Variants in RGS7 observed in about 807,000 individuals in gnomAD.
RGS7 encodes regulator of G protein signaling 7, also known as regulator of G-protein signaling 7.
Under a neutral mutation model 81.1 loss-of-function variants are expected in RGS7, and 27 were observed. The ratio of observed to expected loss-of-function variants is 0.33; its 90% confidence interval spans 0.25 to 0.46. The LOEUF is 0.46. Among genes scored for constraint, RGS7 ranks in the 20% least tolerant of loss-of-function variants. The pLI, the probability that RGS7 is intolerant of heterozygous loss-of-function variation, is 1.00. For missense variants in RGS7, 396 were observed against 607.4 expected (o/e 0.65, Z 3.66); for synonymous variants, 208 against 207.7 (o/e 1.00, Z -0.01).
chr1:240,916,788 T>C (rs1672691047), intron 6 of RGS7, among the ~76,000 whole-genome samples: 1 of 152,200 alleles, frequency 6.6e-6, no homozygotes, highest in South Asian at 2.1e-4. Flanking sequence ...AGAGCACTTC[T>C]ACCCTCATAT....
At chr1:241,238,228 T>C (rs927066747) in intron 2 of RGS7, among the ~76,000 whole-genome samples, 2 of 152,132 alleles carry the variant, frequency 1.3e-5, no homozygotes, top group African/African-American at 4.8e-5. Context: ...ACTGGGCATG[T>C]GTGTGTGTAC....
At chr1:241,318,308 T>C (rs2148592397) in intron 2 of RGS7, among the ~76,000 whole-genome samples, 1 of 152,324 alleles carries the variant, frequency 6.6e-6, no homozygotes, top group South Asian at 2.1e-4. Flanking sequence ...AAATGAGACT[T>C]GGTTGGAATC....
chr1:241,018,657 G>C (rs1383744678), intron 3 of RGS7, among the ~76,000 whole-genome samples: 2 of 151,972 alleles, frequency 1.3e-5, no homozygotes, highest in Non-Finnish European at 2.9e-5. Flanking sequence ...GAGCGGAGGT[G>C]GGGGGCATTC....
At chr1:241,225,080 T>C (rs1048858298) in intron 2 of RGS7, among the ~76,000 whole-genome samples, 2 of 152,184 alleles carry the variant, frequency 1.3e-5, no homozygotes, top group East Asian at 3.8e-4. Context: ...AAGCCTGGGC[T>C]GTCAGTATAC....
In RGS7 at chr1:240,799,706, C is replaced by A. The variant is rs73117815; in HGVS notation, c.*6+935G>T. Among the ~76,000 whole-genome samples, 1,507 of 152,276 alleles carry A rather than the reference C, an allele frequency of 9.9e-3. 22 individuals carry two copies. Among genetic ancestry groups the A allele is most frequent in the African/African-American group, 0.034 (1,414 of 41,562 alleles). On this transcript the variant is annotated intron_variant, in intron 18 of 18. Coordinates refer to ENST00000440928, the MANE Select transcript of RGS7 (RefSeq NM_001364886.1). The stretch of plus-strand genomic sequence containing the variant: ...ATAATTTTTATAACATCTACCACCA[C>A]AGATAAGCAAAAATGTCCTTGCATT...
intron 2 of RGS7, among the ~76,000 whole-genome samples, chr1:241,169,336 C>CTTTTTTTTTTTTTTTTTTTTTTTTTTTT (rs57753661): frequency 2.7e-5 from 2 of 74,274 alleles, no homozygotes; most frequent in Non-Finnish European, 4.8e-5. Context: ...ATGTGTGTTT[C>CTTTTTTTTTTTTTTTTTTTTTTTTTTTT]TTTTTTTTTT....
At chr1:240,853,900 CAAAAAAAAAAAA>C (rs35471716) in intron 9 of RGS7, among the ~76,000 whole-genome samples, 5 of 22,258 alleles carry the variant, frequency 2.2e-4, no homozygotes, top group South Asian at 4.1e-3. Flanking sequence ...GACTCCGTCT[CAAAAAAAAAAAA>C]AAAAAAAAAA....
At chr1:241,084,235 T>C (rs76481211) in intron 3 of RGS7, among the ~76,000 whole-genome samples, 1 of 152,254 alleles carries the variant, frequency 6.6e-6, no homozygotes, top group Non-Finnish European at 1.5e-5. Context: ...CTGAGAGGGA[T>C]AAGGGGTAAC....
intron 17 of RGS7, 92 bp from the exon 18 acceptor site, chr1:240,800,813 T>C: frequency 3.1e-6 from 2 of 636,886 alleles, no homozygotes; most frequent in Non-Finnish European, 5.3e-6. Flanking sequence ...AAAAAGAATC[T>C]TACAAACAAA....
chr1:240,796,466 A>G (rs994980527), intron 18 of RGS7, among the ~76,000 whole-genome samples: 3 of 152,138 alleles, frequency 2.0e-5, no homozygotes, highest in African/African-American at 7.2e-5. Context: ...TGGGCAGATC[A>G]CTTGAGGTCA....
chr1:241,099,198 G>A (rs560088924), intron 2 of RGS7, among the ~76,000 whole-genome samples: 18 of 152,212 alleles, frequency 1.2e-4, no homozygotes, highest in African/African-American at 3.9e-4. Flanking sequence ...GAGAATTTCC[G>A]TGATTTTGTT....
intron 2 of RGS7, among the ~76,000 whole-genome samples, chr1:241,259,016 A>T (rs1471079497): frequency 1.3e-5 from 2 of 152,166 alleles, no homozygotes; most frequent in Non-Finnish European, 2.9e-5. Context: ...AGAGAGATAC[A>T]GGTATGCGCC....
intron 2 of RGS7, among the ~76,000 whole-genome samples, chr1:241,283,823 C>T (rs1351728378): frequency 6.6e-6 from 1 of 152,096 alleles, no homozygotes; most frequent in African/African-American, 2.4e-5. Flanking sequence ...AGTCTATTTC[C>T]TATTTTTCAG....
chr1:240,808,091 T>G (rs1171760359), intron 14 of RGS7, among the ~76,000 whole-genome samples: 2 of 149,962 alleles, frequency 1.3e-5, no homozygotes, highest in Non-Finnish European at 3.0e-5. Flanking sequence ...GCAGAAGTGT[T>G]GAAATTAACA....
intron 3 of RGS7, among the ~76,000 whole-genome samples, chr1:241,002,855 CA>C (rs1191718239): frequency 6.6e-6 from 1 of 152,128 alleles, no homozygotes; most frequent in Admixed American, 6.5e-5. Context: ...ATTCATACTT[CA>C]ATAAATTCTA....
At chr1:240,788,359 G>C (rs1685415943) in intron 18 of RGS7, among the ~76,000 whole-genome samples, 1 of 152,158 alleles carries the variant, frequency 6.6e-6, no homozygotes, top group African/African-American at 2.4e-5. Flanking sequence ...AGAAATGTGA[G>C]GACCTAATTG....
chr1:241,347,221 G>T (rs1265693997), intron 2 of RGS7, among the ~76,000 whole-genome samples: 2 of 152,106 alleles, frequency 1.3e-5, no homozygotes, highest in Non-Finnish European at 2.9e-5. Flanking sequence ...CAGCCTTGGG[G>T]ACACACAGCA....
At chr1:240,806,907 TC>T (rs1688954200) in intron 14 of RGS7, among the ~76,000 whole-genome samples, 1 of 152,034 alleles carries the variant, frequency 6.6e-6, no homozygotes, top group Admixed American at 6.6e-5. Context: ...GGACATAAGA[TC>T]AGAAAATGCT....
At chr1:241,110,689 TCA>T (rs2065450114) in intron 2 of RGS7, among the ~76,000 whole-genome samples, 1 of 146,018 alleles carries the variant, frequency 6.8e-6, no homozygotes, top group African/African-American at 2.7e-5. Context: ...AGGGTCTCAC[TCA>T]CTCTTTTTTT....
Sources: allele counts gnomAD v4.1 joint callset (sites outside exome capture counted in the v4.1 genomes callset), GRCh38; gene constraint gnomAD v4.1.1; transcripts MANE v1.5; gene names NCBI Gene and HGNC (gene_info 2026-07-23, HGNC 2026-07-21).